The following ADCY9 variants were observed in gnomAD, a reference collection of about 807,000 sequenced individuals.
ADCY9 encodes adenylate cyclase 9.
A neutral mutation model predicts 101.5 loss-of-function variants in ADCY9; 50 were observed. That is an observed-to-expected ratio of 0.49 (90% CI 0.39 to 0.62). The LOEUF is 0.62. Among genes scored for constraint, ADCY9 ranks in the 20% least tolerant of loss-of-function variants. The probability of loss-of-function intolerance (pLI) is 0.00; values close to 1 mark genes in which losing one functional copy is unlikely to be tolerated. For synonymous variants in ADCY9, 905 were observed against 769.3 expected (o/e 1.18, Z -2.92); for missense variants, 1,662 against 1,800.4 (o/e 0.92, Z 1.39).
rs756178630 is a variant in ADCY9 at position 3,992,192 on chromosome 16, G to A, written c.2161C>T (p.Arg721Trp). The A allele has an allele frequency of 8.1e-6, 13 of 1,614,032 alleles. No individual in the cohort carries two copies. The highest frequency in any genetic ancestry group is 3.3e-5 in the Admixed American group (2 of 59,994). ...ACAAAGTGGGCGTCCGTTTTCTCCCGGATGTTCTTGAACCTCAGCGGAAGG... is the reference window on the plus strand; with the variant it reads ...ACAAAGTGGGCGTCCGTTTTCTCCCAGATGTTCTTGAACCTCAGCGGAAGG... ...ALLPLRFKNI[R>W]EKTDAHFVDV... The change falls in exon 5 of 11, where the codon CGG (arginine) becomes TGG (tryptophan). Residue 721 changes from arginine to tryptophan, a missense_variant. This residue lies in a region of ADCY9 where 624 missense variants were observed against 639.1 expected (regional missense o/e 0.98). Coordinates refer to ENST00000294016, the MANE Select transcript of ADCY9 (RefSeq NM_001116.4). The surrounding 1 kb of genome is among the most constrained non-coding windows in gnomAD (Gnocchi z 4.2).
intron 10 of ADCY9, among the ~76,000 whole-genome samples, chr16:3,967,878 AGTAG>A (rs1238870725): frequency 4.0e-5 from 6 of 151,404 alleles, no homozygotes; most frequent in African/African-American, 1.5e-4. Flanking sequence ...TTGTATTTTT[AGTAG>A]AGACAGGGTT....
intron 3 of ADCY9, among the ~76,000 whole-genome samples, chr16:4,001,739 GT>G (rs60955922): frequency 0.85 from 118,916 of 140,182 alleles, 49,467 homozygotes; most frequent in East Asian, 0.95. Flanking sequence ...TGTAGAGATG[GT>G]TTTTTTTTTT....
At chr16:3,999,481 A>T (rs1333668133) in intron 3 of ADCY9, among the ~76,000 whole-genome samples, 2 of 152,156 alleles carry the variant, frequency 1.3e-5, no homozygotes, top group Non-Finnish European at 2.9e-5. Flanking sequence ...TGGCACAAGG[A>T]GGACCCAGGA....
At chr16:3,995,452 TA>T (rs1459644771) in intron 3 of ADCY9, among the ~76,000 whole-genome samples, 1 of 151,896 alleles carries the variant, frequency 6.6e-6, no homozygotes, top group Non-Finnish European at 1.5e-5. Flanking sequence ...TTAAATGAAA[TA>T]AGTATATATA....
intron 10 of ADCY9, among the ~76,000 whole-genome samples, chr16:3,974,060 G>C (rs993067167): frequency 6.6e-6 from 1 of 152,080 alleles, no homozygotes; most frequent in Non-Finnish European, 1.5e-5. Context: ...ATTACTTTTT[G>C]AGACACAGTC....
chr16:4,091,667 T>C (rs2056974424), intron 2 of ADCY9, among the ~76,000 whole-genome samples: 1 of 152,330 alleles, frequency 6.6e-6, no homozygotes, highest in East Asian at 1.9e-4. Context: ...ACAACATGAA[T>C]GAACCTTGGA....
chr16:3,987,365 T>A (rs545956520), intron 6 of ADCY9, among the ~76,000 whole-genome samples: 1 of 152,310 alleles, frequency 6.6e-6, no homozygotes, highest in African/African-American at 2.4e-5. Flanking sequence ...GTGTCTGCTG[T>A]TTGGGAGGCT....
Position 3,979,110 on chromosome 16 carries a change from A to G in ADCY9, c.2679+6T>C. On this transcript the variant is annotated splice_donor_region_variant and intron_variant, in intron 8 of 10. Transcript: ENST00000294016. Reference sequence around the variant, plus strand: ...GTGGAAATAAAACGGCTGAGCCTTTACTTACGTGTATGTTGGTCTCATATT... The same window carrying G: ...GTGGAAATAAAACGGCTGAGCCTTTGCTTACGTGTATGTTGGTCTCATATT... The G allele has an allele frequency of 6.2e-7, 1 of 1,614,204 alleles. No individual in the cohort carries two copies. Among genetic ancestry groups the G allele is most frequent in the Non-Finnish European group, 8.5e-7 (1 of 1,180,020 alleles).
chr16:4,039,017 A>G (rs2056608851), intron 2 of ADCY9, among the ~76,000 whole-genome samples: 1 of 152,142 alleles, frequency 6.6e-6, no homozygotes, highest in Admixed American at 6.5e-5. Flanking sequence ...TCCTACAACT[A>G]AGATTTAGAG....
At chr16:4,109,548 G>GC (rs1394286024) in intron 2 of ADCY9, among the ~76,000 whole-genome samples, 3 of 152,080 alleles carry the variant, frequency 2.0e-5, no homozygotes, top group East Asian at 1.9e-4. Flanking sequence ...AACTTCAAAG[G>GC]CCCCTCACCC....
chr16:3,961,121 C>T (rs371027291), downstream of ADCY9, among the ~76,000 whole-genome samples: 1 of 152,122 alleles, frequency 6.6e-6, no homozygotes, highest in African/African-American at 2.4e-5. Context: ...TTGAGAAATC[C>T]TCTAAGTCAC....
rs548676462 is a variant in ADCY9, at chr16:3,996,520, TG to T, written c.1885-3011del. ...AGGGAACTCTCTGGTGTGGCTAAGG[TG>T]GGGGGCTTGGTGCTTGATGGGGCAC... On this transcript the variant is annotated intron_variant, in intron 3 of 10. Coordinates refer to ENST00000294016, the MANE Select transcript of ADCY9 (RefSeq NM_001116.4). Among the ~76,000 whole-genome samples the T allele has an allele frequency of 1.5e-3, 226 of 151,904 alleles. 1 individual carries two copies. Among genetic ancestry groups the T allele is most frequent in the Middle Eastern group, 3.4e-3 (1 of 294 alleles).
intron 5 of ADCY9, among the ~76,000 whole-genome samples, chr16:3,956,226 G>C (rs2055905531): frequency 6.6e-6 from 1 of 151,966 alleles, no homozygotes; most frequent in African/African-American, 2.4e-5. Flanking sequence ...TCACCTGAGA[G>C]CTCCAATTGC....
rs2055963367 is a variant in ADCY9 at position 3,963,956 on chromosome 16, G to A, written c.*1819C>T. On this transcript the variant is annotated 3_prime_UTR_variant, in exon 11 of 11. Transcript: ENST00000294016. ...AGCAAACTGACAGTCACACCTGACA[G>A]GAAACCTTACAGCTAATGGGGGGAG... The A allele has an allele frequency of 6.5e-6, 1 of 152,682 alleles. No homozygotes were observed. The highest frequency in any genetic ancestry group is 1.9e-4 in the East Asian group (1 of 5,202). The allele number at this position is 152,682 out of a possible 1,614,324, so 9.5% of individuals were successfully genotyped here. A position where few individuals can be genotyped will look rare whatever the true frequency, so the allele number is the denominator to read the frequency against.
At chr16:4,014,727 C>T (rs1033127290) in intron 2 of ADCY9, among the ~76,000 whole-genome samples, 1 of 151,896 alleles carries the variant, frequency 6.6e-6, no homozygotes, top group Non-Finnish European at 1.5e-5. Context: ...GGATTAAAGG[C>T]GTGAGCCACC....
intron 2 of ADCY9, among the ~76,000 whole-genome samples, chr16:4,048,612 G>A (rs183508227): frequency 9.5e-4 from 145 of 152,276 alleles, no homozygotes; most frequent in African/African-American, 3.2e-3. Flanking sequence ...ACACAGATAG[G>A]CCCCTCGGTG....
intron 2 of ADCY9, among the ~76,000 whole-genome samples, chr16:4,112,795 C>G (rs1198896715): frequency 6.6e-6 from 1 of 152,036 alleles, no homozygotes; most frequent in Non-Finnish European, 1.5e-5. Context: ...TTTAGTAAAA[C>G]ATAAGGACTG....
rs1199760351 is a variant in ADCY9, at chr16:4,115,347, G to T, written c.96C>A (p.Ile32=). Residue 32 remains isoleucine (I), a synonymous_variant, in exon 2 of 11, where the codon ATC becomes ATA. Transcript: ENST00000294016. This position sits in a 1 kb window ranked among gnomAD's most constrained non-coding sequence, Gnocchi z 6.2. ...SGDSNSVRVK[I]NPKQLSSNSH... ...TGTTGGAGGACAGCTGCTTGGGGTT[G>T]ATCTTGACGCGCACGCTGTTGCTGT... 6.2e-7 allele frequency: 1 copy of T among 1,612,792 alleles called. No homozygotes were observed. The highest frequency in any genetic ancestry group is 8.5e-7 in the Non-Finnish European group (1 of 1,179,626).
intron 2 of ADCY9, among the ~76,000 whole-genome samples, chr16:4,097,284 G>A (rs547367807): frequency 7.3e-5 from 11 of 151,298 alleles, no homozygotes; most frequent in East Asian, 2.0e-4. Context: ...CAGCCCTCTC[G>A]GCCACCACCT....
Sources: allele counts gnomAD v4.1 joint callset (sites outside exome capture counted in the v4.1 genomes callset), GRCh38; gene constraint gnomAD v4.1.1; regional missense constraint gnomAD v4.1.1; non-coding constraint Gnocchi (gnomAD v3.1); transcripts MANE v1.5; gene names NCBI Gene and HGNC (gene_info 2026-07-23, HGNC 2026-07-21).